Variants in CA10 observed in about 807,000 individuals in gnomAD.
The protein encoded by CA10 is carbonic anhydrase-related protein 10.
CA10 carries 14 observed loss-of-function variants against 44.2 expected under a neutral mutation model. That is an observed-to-expected ratio of 0.32 (90% CI 0.21 to 0.50). CA10 has a LOEUF of 0.50. Ranked by LOEUF, CA10 falls within the 20% of genes least tolerant of loss-of-function variation. The probability of loss-of-function intolerance (pLI) is 0.99; values close to 1 mark genes in which losing one functional copy is unlikely to be tolerated. For missense variants in CA10, 350 were observed against 409.7 expected (o/e 0.85, Z 1.26); for synonymous variants, 159 against 141.6 (o/e 1.12, Z -0.87).
At chr17:51,893,262 G>A (rs1052239766) in intron 3 of CA10, among the ~76,000 whole-genome samples, 27 of 152,040 alleles carry the variant, frequency 1.8e-4, no homozygotes, top group African/African-American at 5.6e-4. Flanking sequence ...TTGTCTGTAC[G>A]GATGTTGGAA....
intron 4 of CA10, among the ~76,000 whole-genome samples, chr17:51,692,366 CCTATCTATCTAT>C (rs71728413): frequency 0.063 from 8,938 of 141,202 alleles, 438 homozygotes; most frequent in African/African-American, 0.12. Context: ...ACCTATCCAT[CCTATCTATCTAT>C]CTATCTATCT....
chr17:51,915,105 T>C (rs2109454), intron 3 of CA10, among the ~76,000 whole-genome samples: 8,703 of 152,234 alleles, frequency 0.057, 787 homozygotes, highest in African/African-American at 0.19. Flanking sequence ...GCTAACCAGA[T>C]GCTGACACAG....
intron 3 of CA10, among the ~76,000 whole-genome samples, chr17:51,910,083 A>G (rs976398854): frequency 2.0e-5 from 3 of 152,084 alleles, no homozygotes; most frequent in Non-Finnish European, 4.4e-5. Context: ...CAGATGCACC[A>G]TGAGAAGCAG....
chr17:51,894,635 C>T (rs1980994222), intron 3 of CA10, among the ~76,000 whole-genome samples: 1 of 152,068 alleles, frequency 6.6e-6, no homozygotes, highest in Non-Finnish European at 1.5e-5. Context: ...TAATTTTATT[C>T]CTCCAAAGGA....
At chr17:52,069,006 T>C (rs532802394) in intron 2 of CA10, among the ~76,000 whole-genome samples, 56 of 152,190 alleles carry the variant, frequency 3.7e-4, no homozygotes, top group Non-Finnish European at 6.5e-4. Flanking sequence ...AATGTTGATA[T>C]TGCTGCTCCT....
At chr17:52,038,145 G>T (rs1056282652) in intron 2 of CA10, among the ~76,000 whole-genome samples, 10 of 151,996 alleles carry the variant, frequency 6.6e-5, no homozygotes, top group African/African-American at 1.4e-4. Context: ...AAATAATTCA[G>T]GACAAGCAAA....
chr17:51,875,773 A>T (rs1381960477), intron 3 of CA10, among the ~76,000 whole-genome samples: 1 of 151,934 alleles, frequency 6.6e-6, no homozygotes, highest in Non-Finnish European at 1.5e-5. Flanking sequence ...CAATTCCAAC[A>T]CCCCCAACAT....
chr17:51,692,550 A>G (rs1915249688), intron 4 of CA10, among the ~76,000 whole-genome samples: 1 of 152,072 alleles, frequency 6.6e-6, no homozygotes, highest in East Asian at 1.9e-4. Flanking sequence ...TCTCTTGCTT[A>G]ATTGCTCATG....
chr17:51,993,160 G>A (rs1379666405), intron 2 of CA10, among the ~76,000 whole-genome samples: 1 of 152,090 alleles, frequency 6.6e-6, no homozygotes, highest in East Asian at 1.9e-4. Context: ...ACTTTATTAA[G>A]TTTTGGCAGC....
At chr17:52,074,656 A>AT (rs1987770895) in intron 1 of CA10, among the ~76,000 whole-genome samples, 1 of 152,192 alleles carries the variant, frequency 6.6e-6, no homozygotes, top group African/African-American at 2.4e-5. Context: ...TTACAAAAAA[A>AT]TTTTTACAGT....
At chr17:51,718,779 G>T (rs1916259796) in intron 4 of CA10, among the ~76,000 whole-genome samples, 1 of 152,196 alleles carries the variant, frequency 6.6e-6, no homozygotes, top group South Asian at 2.1e-4. Flanking sequence ...AGAATACCCA[G>T]CTGGTGTCTG....
chr17:51,948,481 G>C (rs575295474), intron 2 of CA10, among the ~76,000 whole-genome samples: 2 of 152,288 alleles, frequency 1.3e-5, no homozygotes, highest in South Asian at 4.1e-4. Context: ...CCAGAGGACT[G>C]GGTTCCAGTT....
chr17:51,642,353 C>T (rs367582448), intron 6 of CA10, among the ~76,000 whole-genome samples: 1 of 152,202 alleles, frequency 6.6e-6, no homozygotes, highest in Non-Finnish European at 1.5e-5. Flanking sequence ...TTTAACACCA[C>T]GTCCCTCTGA....
At chr17:51,676,578 G>A (rs759871270) in intron 4 of CA10, among the ~76,000 whole-genome samples, 3 of 152,192 alleles carry the variant, frequency 2.0e-5, no homozygotes, top group Admixed American at 6.5e-5. Context: ...GAGAAGCTCC[G>A]AGATAGATGT....
At chr17:51,733,165 G>GC (rs780271117) in intron 4 of CA10, among the ~76,000 whole-genome samples, 10 of 152,202 alleles carry the variant, frequency 6.6e-5, no homozygotes, top group Middle Eastern at 3.2e-3. Flanking sequence ...CCCTAAGGTA[G>GC]CACAGTTCCT....
intron 1 of CA10, among the ~76,000 whole-genome samples, chr17:52,129,448 C>G (rs1989185769): frequency 6.6e-6 from 1 of 152,112 alleles, no homozygotes; most frequent in Non-Finnish European, 1.5e-5. Context: ...CCATTGCTAT[C>G]CTCGTTATGG....
intron 3 of CA10, among the ~76,000 whole-genome samples, chr17:51,793,438 T>G (rs1341595273): frequency 6.6e-6 from 1 of 152,198 alleles, no homozygotes; most frequent in African/African-American, 2.4e-5. Context: ...TGCAACAAAC[T>G]GAATCAAGAC....
intron 6 of CA10, among the ~76,000 whole-genome samples, chr17:51,636,452 A>G (rs1912829987): frequency 6.6e-6 from 1 of 152,196 alleles, no homozygotes; most frequent in African/African-American, 2.4e-5. Flanking sequence ...GTAGCCAAAG[A>G]AGTCACATGG....
At chr17:52,037,737 G>A (rs909573199) in intron 2 of CA10, among the ~76,000 whole-genome samples, 5 of 152,090 alleles carry the variant, frequency 3.3e-5, no homozygotes, top group African/African-American at 1.2e-4. Context: ...TAACTATGCA[G>A]AGTCTGTATT....
Sources: gnomAD v4.1 joint callset for allele counts (sites outside exome capture counted in the v4.1 genomes callset) on GRCh38, gnomAD v4.1.1 for gene constraint, MANE v1.5 for transcripts, NCBI Gene and HGNC (gene_info 2026-07-23, HGNC 2026-07-21) for gene names.